SLC16A7: variants seen among roughly 807,000 people sequenced by gnomAD.
SLC16A7 encodes the protein monocarboxylate transporter 2.
In SLC16A7, 33 loss-of-function variants were observed where a neutral mutation model predicts 34.9. The observed-to-expected ratio is 0.94, with a 90% CI of 0.72 to 1.26. The LOEUF (loss-of-function observed/expected upper bound fraction) is 1.26. Ranked by LOEUF, SLC16A7 falls within the 50% of genes most tolerant of loss-of-function variation. SLC16A7 has a pLI of 0.00. For missense variants in SLC16A7, 573 were observed against 578.1 expected, an observed-to-expected ratio of 0.99 and a Z score of 0.09; for synonymous variants, 201 against 206.6, an observed-to-expected ratio of 0.97 and a Z score of 0.23.
At chr12:59,755,104 A>G (rs1227262744) in intron 3 of SLC16A7, among the ~76,000 whole-genome samples, 1 of 152,160 alleles carries the variant, frequency 6.6e-6, no homozygotes, top group Non-Finnish European at 1.5e-5. Flanking sequence ...GATGGGACAT[A>G]TCTCAAAATA....
rs114075615 is a variant in SLC16A7 at position 59,691,285 on chromosome 12, G to A, written c.-30-13487G>A. On this transcript the variant is annotated intron_variant, in intron 2 of 5. Transcript: ENST00000547379. ...TCTGGAGCATCGATTCAGTTGCCCC[G>A]AATATACACTCCAATTAGTGGCAGT... is the stretch of plus-strand genomic sequence containing the variant. 8.9e-3 allele frequency among the ~76,000 whole-genome samples: 1,350 copies of A among 152,022 alleles called. 15 individuals carry two copies. Among genetic ancestry groups the A allele is most frequent in the African/African-American group, 0.031 (1,299 of 41,476 alleles).
rs12310666 is a variant in SLC16A7 at position 59,720,336 on chromosome 12, T to C, written c.217+15318T>C. The C allele has an allele frequency of 6.7e-3, 3,189 of 478,144 alleles. 66 individuals carry two copies. Among genetic ancestry groups the C allele is most frequent in the African/African-American group, 0.057 (2,802 of 49,036 alleles). The allele number at this position is 478,144 out of a possible 1,614,324, so 29.6% of individuals were successfully genotyped here. On this transcript the variant is annotated intron_variant, in intron 3 of 5. Coordinates refer to ENST00000547379, the MANE Select transcript of SLC16A7 (RefSeq NM_001270623.2). ...TTTAGTCTTGTGAGACCATAATTAG[T>C]ACCCATAACAACAGAAATGTATATC...
At chr12:59,701,545 A>C (rs369143879) in intron 2 of SLC16A7, among the ~76,000 whole-genome samples, 4 of 151,758 alleles carry the variant, frequency 2.6e-5, no homozygotes, top group South Asian at 4.1e-4. Flanking sequence ...TAAAGGGTCT[A>C]TAAGTTCAAA....
intron 3 of SLC16A7, among the ~76,000 whole-genome samples, chr12:59,744,506 C>A (rs755511336): frequency 6.6e-5 from 10 of 152,146 alleles, no homozygotes; most frequent in Non-Finnish European, 1.0e-4. Flanking sequence ...ACAAAATCCT[C>A]CATATTCACC....
intron 2 of SLC16A7, among the ~76,000 whole-genome samples, chr12:59,700,509 TATTA>T (rs1158749420): frequency 2.0e-5 from 3 of 149,300 alleles, no homozygotes; most frequent in African/African-American, 4.9e-5. Flanking sequence ...ATTATTTAAT[TATTA>T]ATTATTAAGA....
intron 3 of SLC16A7, among the ~76,000 whole-genome samples, chr12:59,759,879 T>C (rs959373382): frequency 1.3e-5 from 2 of 152,090 alleles, no homozygotes; most frequent in Admixed American, 1.3e-4. Context: ...TTAACTAATA[T>C]TAGCATGACA....
intron 3 of SLC16A7, among the ~76,000 whole-genome samples, chr12:59,744,621 C>T (rs1160180387): frequency 6.6e-6 from 1 of 152,186 alleles, no homozygotes; most frequent in Admixed American, 6.5e-5. Context: ...CCTCTGCCCT[C>T]ACTGGCAGAG....
chr12:59,788,091 A>C lies in SLC16A7; in HGVS notation c.*8412A>C, dbSNP rs1231192226. 1.3e-5 allele frequency: 2 copies of C among 151,174 alleles called. No individual in the cohort carries two copies. The highest frequency in any genetic ancestry group is 4.9e-5 in the African/African-American group (2 of 40,522). The allele number at this position is 151,174 out of a possible 1,614,324, so 9.4% of individuals were successfully genotyped here. The stretch of plus-strand genomic sequence containing the variant: ...ATGAATAATTCTCCTTTTTTGATAG[A>C]TTTTTGAAATTGTTTTACTTACTAC... On this transcript the variant is annotated 3_prime_UTR_variant, in exon 6 of 6. Coordinates refer to ENST00000547379, the MANE Select transcript of SLC16A7 (RefSeq NM_001270623.2).
intron 2 of SLC16A7, among the ~76,000 whole-genome samples, chr12:59,674,241 T>C (rs1870119946): frequency 6.6e-6 from 1 of 152,218 alleles, no homozygotes; most frequent in Non-Finnish European, 1.5e-5. Flanking sequence ...CCATAGAGTG[T>C]TACGTTCTTT....
rs189811060 is a variant in SLC16A7 at position 59,786,732 on chromosome 12, A to G, written c.*7053A>G. The G allele has an allele frequency of 6.6e-6, 1 of 152,178 alleles. No individual in the cohort carries two copies. The highest frequency in any genetic ancestry group is 2.4e-5 in the African/African-American group (1 of 41,454). 9.4% of individuals were successfully genotyped at this position (152,178 alleles called of 1,614,324 possible). On this transcript the variant is annotated 3_prime_UTR_variant, in exon 6 of 6. Coordinates refer to ENST00000547379, the MANE Select transcript of SLC16A7 (RefSeq NM_001270623.2). ...TGGATTAAGGATTTTGCCTAAACCT[A>G]TACCAATACTCTGAATAAATGCAGG...
intron 3 of SLC16A7, among the ~76,000 whole-genome samples, chr12:59,768,539 A>G (rs999722553): frequency 6.6e-6 from 1 of 152,200 alleles, no homozygotes; most frequent in Non-Finnish European, 1.5e-5. Flanking sequence ...AGAATAGTAC[A>G]TAAACTTAGT....
intron 1 of SLC16A7, among the ~76,000 whole-genome samples, chr12:59,605,161 A>T (rs1421303335): frequency 6.6e-6 from 1 of 152,116 alleles, no homozygotes; most frequent in Non-Finnish European, 1.5e-5. Context: ...TCAAACAGAG[A>T]CTAGTAGTCA....
At chr12:59,766,839 GC>G (rs1404478817) in intron 3 of SLC16A7, among the ~76,000 whole-genome samples, 32 of 152,204 alleles carry the variant, frequency 2.1e-4, no homozygotes, top group Non-Finnish European at 2.5e-4. Context: ...GATGATGCTG[GC>G]CTCATAAAAT....
Position 59,785,043 on chromosome 12 carries a change from CTCTCTT to C in SLC16A7, c.*5366_*5371del. 1 of 152,170 alleles carries C rather than the reference CTCTCTT, an allele frequency of 6.6e-6. No homozygotes were observed. Among genetic ancestry groups the C allele is most frequent in the Non-Finnish European group, 1.5e-5 (1 of 68,022 alleles). 9.4% of individuals were successfully genotyped at this position (152,170 alleles called of 1,614,324 possible). ...ATATTACAAACTTGACTTTACTCAT[CTCTCTT>C]TAAGATTTTGATTTCTGCACAACCA... On this transcript the variant is annotated 3_prime_UTR_variant, in exon 6 of 6. Coordinates refer to ENST00000547379, the MANE Select transcript of SLC16A7 (RefSeq NM_001270623.2).
At chr12:59,635,687 A>G (rs1313882006) in intron 1 of SLC16A7, among the ~76,000 whole-genome samples, 1 of 152,042 alleles carries the variant, frequency 6.6e-6, no homozygotes, top group Non-Finnish European at 1.5e-5. Context: ...TATACTTCAG[A>G]TGGATTCTAT....
At chr12:59,609,607 T>A (rs529544711) in intron 1 of SLC16A7, among the ~76,000 whole-genome samples, 2 of 152,214 alleles carry the variant, frequency 1.3e-5, no homozygotes, top group East Asian at 3.9e-4. Flanking sequence ...CAAAGTGCCA[T>A]ATTTAGGGTG....
intron 3 of SLC16A7, among the ~76,000 whole-genome samples, chr12:59,721,244 A>C (rs936656448): frequency 2.0e-5 from 3 of 151,870 alleles, no homozygotes; most frequent in Admixed American, 1.3e-4. Context: ...TTCAATTCCT[A>C]CTTCATTCAG....
chr12:59,759,682 C>T lies in SLC16A7; in HGVS notation c.218-11537C>T, dbSNP rs554418074. On this transcript the variant is annotated intron_variant, in intron 3 of 5. Transcript: ENST00000547379. ...AAATATTTTATAAAATATTTGTAGG[C>T]TGTATTTGAGATAAATTCAGGGGAA... Among the ~76,000 whole-genome samples, 525 of 151,944 alleles carry T rather than the reference C, an allele frequency of 3.5e-3. 2 individuals carry two copies. The highest frequency in any genetic ancestry group is 0.012 in the African/African-American group (498 of 41,492).
intron 3 of SLC16A7, among the ~76,000 whole-genome samples, chr12:59,711,682 C>G (rs1438683986): frequency 1.3e-5 from 2 of 152,078 alleles, no homozygotes; most frequent in East Asian, 3.9e-4. Context: ...CCATGCCCAG[C>G]TAATTTCTGG....
Sources: gnomAD v4.1 joint callset for allele counts (sites outside exome capture counted in the v4.1 genomes callset) on GRCh38, gnomAD v4.1.1 for gene constraint, MANE v1.5 for transcripts, NCBI Gene and HGNC (gene_info 2026-07-23, HGNC 2026-07-21) for gene names.